Variants in NYAP2 observed in about 807,000 individuals in gnomAD.
NYAP2 encodes the protein neuronal tyrosine-phosphorylated phosphoinositide-3-kinase adapter 2.
Under a neutral mutation model 50.4 loss-of-function variants are expected in NYAP2, and 23 were observed. The observed-to-expected ratio is 0.46, with a 90% confidence interval of 0.33 to 0.65. The LOEUF is 0.65. Among genes scored for constraint, NYAP2 ranks in the 30% least tolerant of loss-of-function variants. The pLI is 0.02. For synonymous variants in NYAP2, 394 were observed against 365.2 expected, an observed-to-expected ratio of 1.08 and a Z score of -0.90; for missense variants, 885 against 861.0, an observed-to-expected ratio of 1.03 and a Z score of -0.35.
At chr2:225,645,526 A>AT (rs201460967) in intron 6 of NYAP2, among the ~76,000 whole-genome samples, 3,256 of 143,498 alleles carry the variant, frequency 0.023, 118 homozygotes, top group African/African-American at 0.078. Flanking sequence ...CCTCTTTCTC[A>AT]TTTTTTTCTT....
chr2:225,514,770 G>C (rs1380662588), intron 4 of NYAP2, among the ~76,000 whole-genome samples: 1 of 152,186 alleles, frequency 6.6e-6, no homozygotes, highest in Non-Finnish European at 1.5e-5. Context: ...CCAGTGACCA[G>C]TTTGAGAGAG....
intron 3 of NYAP2, among the ~76,000 whole-genome samples, chr2:225,496,831 C>T (rs536312309): frequency 4.6e-5 from 7 of 152,054 alleles, no homozygotes; most frequent in Non-Finnish European, 4.4e-5. Context: ...AGTACTGGCT[C>T]ATTGTGCTGT....
chr2:225,506,864 A>G (rs1690716180), intron 3 of NYAP2, among the ~76,000 whole-genome samples: 1 of 151,990 alleles, frequency 6.6e-6, no homozygotes, highest in African/African-American at 2.4e-5. Flanking sequence ...TCCCCCATTT[A>G]ATGTATGGTT....
At position 225,544,432 on chromosome 2, in the gene NYAP2, T is replaced by C. The variant is rs530591409; in HGVS notation, c.523+30760T>C. 4.6e-5 allele frequency among the ~76,000 whole-genome samples: 7 copies of C among 152,158 alleles called. No homozygotes were observed. In the South Asian group the frequency reaches 1.5e-3, roughly 32 times the overall value. On this transcript the variant is annotated intron_variant, in intron 4 of 6. Coordinates refer to ENST00000636099, the Ensembl canonical transcript of NYAP2. The stretch of plus-strand genomic sequence containing the variant: ...CTTTTTTGTGTGTGTGTATTTGTTG[T>C]ATGATGTTTAATTTGAGTTACCATG...
chr2:225,529,411 C>G (rs547874584), intron 4 of NYAP2, among the ~76,000 whole-genome samples: 1 of 152,250 alleles, frequency 6.6e-6, no homozygotes, highest in African/African-American at 2.4e-5. Context: ...ACTGCAGCCT[C>G]TGCCTCCCAG....
chr2:225,686,645 A>C, the NYAP2 span, among the ~76,000 whole-genome samples: 1 of 152,092 alleles, frequency 6.6e-6, no homozygotes, highest in Non-Finnish European at 1.5e-5. Context: ...CTTTAGAGGG[A>C]CTTCTTTTGA....
At chr2:225,699,049 A>G in the NYAP2 span, 3 of 151,912 alleles carry the variant, frequency 2.0e-5, no homozygotes, top group Non-Finnish European at 1.5e-5. Flanking sequence ...TGAATATCAT[A>G]TTTGTTAAGA....
At chr2:225,537,918 T>C (rs879710002) in intron 4 of NYAP2, among the ~76,000 whole-genome samples, 55 of 152,298 alleles carry the variant, frequency 3.6e-4, no homozygotes, top group South Asian at 1.2e-3. Context: ...ATGGGAGACA[T>C]TGGCCAAAAC....
At chr2:225,695,345 A>G in the NYAP2 span, among the ~76,000 whole-genome samples, 4 of 151,944 alleles carry the variant, frequency 2.6e-5, no homozygotes, top group Non-Finnish European at 5.9e-5. Context: ...ACAACTAAAT[A>G]AAATAAAATC....
At chr2:225,698,075 G>A in the NYAP2 span, among the ~76,000 whole-genome samples, 1 of 151,850 alleles carries the variant, frequency 6.6e-6, no homozygotes, top group African/African-American at 2.4e-5. Flanking sequence ...CTACTGGGGA[G>A]ACTGAGGTGG....
intron 3 of NYAP2, among the ~76,000 whole-genome samples, chr2:225,444,001 G>A (rs890583863): frequency 1.9e-4 from 29 of 152,186 alleles, no homozygotes; most frequent in Admixed American, 3.3e-4. Context: ...GATGGCAGCT[G>A]CTACTTAGAT....
chr2:225,539,481 G>A (rs35885219), intron 4 of NYAP2, among the ~76,000 whole-genome samples: 43,972 of 152,060 alleles, frequency 0.29, 7,470 homozygotes, highest in African/African-American at 0.49. Flanking sequence ...AACCATTCCT[G>A]TTTCTCCACA....
At chr2:225,605,255 G>A (rs986043788) in intron 5 of NYAP2, among the ~76,000 whole-genome samples, 2 of 152,068 alleles carry the variant, frequency 1.3e-5, no homozygotes, top group African/African-American at 2.4e-5. Flanking sequence ...TTGCACCTGT[G>A]CATATATTCA....
the NYAP2 span, chr2:225,699,867 T>C: frequency 6.6e-6 from 1 of 151,914 alleles, no homozygotes; most frequent in African/African-American, 2.4e-5. Context: ...TGAATATAAA[T>C]ATTGCCACGA....
At chr2:225,665,851 A>C in the NYAP2 span, among the ~76,000 whole-genome samples, 1 of 125,698 alleles carries the variant, frequency 8.0e-6, no homozygotes, top group Non-Finnish European at 1.7e-5. Flanking sequence ...CACCACCCAG[A>C]TAGACAGGAG....
At chr2:225,428,739 G>C (rs1695323113) in intron 3 of NYAP2, among the ~76,000 whole-genome samples, 1 of 152,194 alleles carries the variant, frequency 6.6e-6, no homozygotes, top group Non-Finnish European at 1.5e-5. Context: ...AAAGCATCAG[G>C]AAACTGGGCT....
chr2:225,675,207 T>C, the NYAP2 span, among the ~76,000 whole-genome samples: 1 of 152,234 alleles, frequency 6.6e-6, no homozygotes, highest in East Asian at 1.9e-4. Context: ...AAATTGCCGA[T>C]GCCGAGGCTT....
At chr2:225,413,903 T>C (rs527515246) in intron 3 of NYAP2, among the ~76,000 whole-genome samples, 4 of 152,282 alleles carry the variant, frequency 2.6e-5, no homozygotes, top group African/African-American at 7.2e-5. Context: ...TTGATGATAA[T>C]TCTCTGTGAA....
At chr2:225,699,878 A>T in the NYAP2 span, 1 of 151,930 alleles carries the variant, frequency 6.6e-6, no homozygotes, top group African/African-American at 2.4e-5. Context: ...ATTGCCACGA[A>T]TGAATAAAAA....
Sources: allele counts gnomAD v4.1 joint callset (sites outside exome capture counted in the v4.1 genomes callset), GRCh38; gene constraint gnomAD v4.1.1; transcripts MANE v1.5; gene names NCBI Gene and HGNC (gene_info 2026-07-23, HGNC 2026-07-21).